APOOL: variants seen among roughly 807,000 people sequenced by gnomAD.
The protein encoded by APOOL is MICOS complex subunit MIC27.
APOOL carries 12 observed loss-of-function variants against 23.1 expected under a neutral mutation model. That is an observed-to-expected ratio of 0.52 (90% CI 0.33 to 0.84). The LOEUF is 0.84. Among genes scored for constraint, APOOL ranks in the 40% least tolerant of loss-of-function variants. The pLI, the probability that APOOL is intolerant of heterozygous loss-of-function variation, is 0.02. For synonymous variants in APOOL, 77 were observed against 69.9 expected, an observed-to-expected ratio of 1.10 and a Z score of -0.51; for missense variants, 212 against 199.6, an observed-to-expected ratio of 1.06 and a Z score of -0.37.
chrX:85,086,502 A>G (rs1446501713), intron 8 of APOOL, among the ~76,000 whole-genome samples: 1 of 111,596 alleles, frequency 9.0e-6, no homozygotes, highest in Non-Finnish European at 1.9e-5. Flanking sequence ...CTCTCACAAG[A>G]CATAGTCAGT....
At chrX:85,057,356 G>A (rs1311116651) in intron 5 of APOOL, among the ~76,000 whole-genome samples, 1 of 108,748 alleles carries the variant, frequency 9.2e-6, no homozygotes, top group Admixed American at 1.0e-4. Flanking sequence ...CTGATGTCAG[G>A]TACTTTGTAG....
intron 1 of APOOL, among the ~76,000 whole-genome samples, chrX:85,018,940 A>T (rs1921566464): frequency 1.8e-5 from 1 of 56,191 alleles, no homozygotes; most frequent in Admixed American, 2.2e-4. Context: ...TATTTCCTTG[A>T]TGTTTTCATT....
intron 1 of APOOL, 112 bp from the exon 2 acceptor site, chrX:85,046,334 A>T: frequency 1.7e-6 from 1 of 574,290 alleles, no homozygotes; most frequent in South Asian, 3.6e-5. Flanking sequence ...TTGAGTATTT[A>T]ATATATTAAA....
intron 1 of APOOL, among the ~76,000 whole-genome samples, chrX:85,005,868 A>G (rs527953066): frequency 8.9e-6 from 1 of 112,296 alleles, no homozygotes; most frequent in Middle Eastern, 4.6e-3. Flanking sequence ...GAGAAGGTGC[A>G]GAGACAGAAG....
intron 1 of APOOL, among the ~76,000 whole-genome samples, chrX:85,012,143 G>C (rs1171886850): frequency 9.0e-6 from 1 of 111,519 alleles, no homozygotes; most frequent in Non-Finnish European, 1.9e-5. Context: ...TTGATTCTCA[G>C]CTTGATCGTT....
chrX:85,076,995 T>TTATATTTATATATATA, intron 8 of APOOL, among the ~76,000 whole-genome samples: 1 of 82,498 alleles, frequency 1.2e-5, no homozygotes, highest in African/African-American at 5.2e-5. Context: ...TTTGCTAAAC[T>TTATATTTATATATATA]TATATATATA....
At chrX:85,051,014 TTC>T (rs1171831966) in intron 2 of APOOL, among the ~76,000 whole-genome samples, 3 of 111,358 alleles carry the variant, frequency 2.7e-5, no homozygotes, top group Admixed American at 9.7e-5. Context: ...TTTCTAATAT[TTC>T]TTTGTACGAA....
In APOOL at chrX:85,008,535, T is replaced by TTGTGTGTGTGTGTGTGTGTG. The variant is rs57105866; in HGVS notation, c.15+4628_15+4647dup. Reference sequence around the variant, plus strand: ...TTTTTTATGGTTGAATGATAACCCGTTGTGTGTGTGTGTGTGTGTGTGTGT... The same window carrying TTGTGTGTGTGTGTGTGTGTG: ...TTTTTTATGGTTGAATGATAACCCGTTGTGTGTGTGTGTGTGTGTGTGTGTGTGTGTGTGTGTGTGTGTGT... On this transcript the variant is annotated intron_variant, in intron 1 of 8. Transcript: ENST00000373173. Among the ~76,000 whole-genome samples the TTGTGTGTGTGTGTGTGTGTG allele has an allele frequency of 1.9e-3, 166 of 86,134 alleles. 2 individuals carry two copies. The highest frequency in any genetic ancestry group is 8.7e-3 in the East Asian group (23 of 2,645). 74.8% of individuals were successfully genotyped at this position (86,134 alleles called of 115,157 possible).
chrX:85,081,851 A>T (rs1807816138), intron 8 of APOOL, among the ~76,000 whole-genome samples: 1 of 111,172 alleles, frequency 9.0e-6, no homozygotes, highest in Admixed American at 9.7e-5. Context: ...TCATTAATTC[A>T]GTCACTGATA....
At chrX:85,069,610 TAAAAAAA>T (rs774325087) in intron 6 of APOOL, among the ~76,000 whole-genome samples, 111 of 40,961 alleles carry the variant, frequency 2.7e-3, no homozygotes, top group African/African-American at 0.011. Context: ...ACGCCATCTC[TAAAAAAA>T]AAAAAAAAAA....
At chrX:85,010,195 G>A (rs756450285) in intron 1 of APOOL, among the ~76,000 whole-genome samples, 9 of 111,614 alleles carry the variant, frequency 8.1e-5, no homozygotes, top group South Asian at 7.5e-4. Context: ...ATTTACCGTC[G>A]TCAATGTTTC....
At chrX:85,009,484 T>C (rs181164354) in intron 1 of APOOL, among the ~76,000 whole-genome samples, 1 of 112,238 alleles carries the variant, frequency 8.9e-6, no homozygotes, top group East Asian at 2.8e-4. Context: ...TTTTTCCACA[T>C]TCATTGAAAT....
At chrX:85,008,316 C>G (rs779576523) in intron 1 of APOOL, among the ~76,000 whole-genome samples, 2 of 111,200 alleles carry the variant, frequency 1.8e-5, no homozygotes, top group Non-Finnish European at 3.8e-5. Context: ...GGCCAACCTC[C>G]CAACCTCTCG....
At chrX:85,080,578 G>A (rs1924054987) in intron 8 of APOOL, 1 of 111,782 alleles carries the variant, frequency 8.9e-6, no homozygotes, top group Non-Finnish European at 1.9e-5. Flanking sequence ...TTGATTTGGG[G>A]TGGAGAGTTC....
In APOOL at chrX:85,089,496, T is replaced by G. The variant is rs1008224709; in HGVS notation, c.*1818T>G. On this transcript the variant is annotated 3_prime_UTR_variant, in exon 9 of 9. Transcript: ENST00000373173. ...CTCTCTATTTTTCCTGCTTTTGTTA[T>G]TCTTCATTTTTCTTCTCTTGCTCTG... 4 of 111,683 alleles carry G rather than the reference T, an allele frequency of 3.6e-5. No homozygotes were observed. Among genetic ancestry groups the G allele is most frequent in the African/African-American group, 9.8e-5 (3 of 30,698 alleles). 9.2% of individuals were successfully genotyped at this position (111,683 alleles called of 1,213,427 possible). A position where few individuals can be genotyped will look rare whatever the true frequency, so the allele number is the denominator to read the frequency against.
In APOOL at chrX:85,091,445, A is replaced by G. The variant is rs138815035; in HGVS notation, c.*3767A>G. The G allele has an allele frequency of 1.4e-3, 154 of 111,982 alleles. No homozygotes were observed. Among genetic ancestry groups the G allele is most frequent in the African/African-American group, 4.7e-3 (144 of 30,806 alleles). The allele number at this position is 111,982 out of a possible 1,213,427, so 9.2% of individuals were successfully genotyped here. The stretch of plus-strand genomic sequence containing the variant: ...TATGGTACTTTACACAATTTATGTA[A>G]TTAATATTTTCTCACAGACAAGGTT... On this transcript the variant is annotated 3_prime_UTR_variant, in exon 9 of 9. Coordinates refer to ENST00000373173, the MANE Select transcript of APOOL (RefSeq NM_198450.6).
chrX:85,040,272 A>T (rs1369752532), intron 1 of APOOL, among the ~76,000 whole-genome samples: 1 of 112,096 alleles, frequency 8.9e-6, no homozygotes. Flanking sequence ...GGCCACTCTT[A>T]GCCTGATGGA....
At chrX:85,014,217 A>G (rs1311566224) in intron 1 of APOOL, among the ~76,000 whole-genome samples, 1 of 110,877 alleles carries the variant, frequency 9.0e-6, no homozygotes, top group East Asian at 2.8e-4. Context: ...GTGAGTCCTT[A>G]TGTGTTAAGT....
chrX:85,034,462 T>G (rs1274868761), intron 1 of APOOL, among the ~76,000 whole-genome samples: 3 of 111,831 alleles, frequency 2.7e-5, no homozygotes, highest in African/African-American at 6.5e-5. Flanking sequence ...CTGTTTGTTT[T>G]TTTTTTAATA....
Sources: allele counts gnomAD v4.1 joint callset (sites outside exome capture counted in the v4.1 genomes callset), GRCh38; gene constraint gnomAD v4.1.1; transcripts MANE v1.5; gene names NCBI Gene and HGNC (gene_info 2026-07-23, HGNC 2026-07-21).